Variants in HUS1 observed in about 807,000 individuals in gnomAD.
HUS1 encodes the protein HUS1 checkpoint clamp component, also known as checkpoint protein HUS1.
Under a neutral mutation model 32.6 loss-of-function variants are expected in HUS1, and 31 were observed. The observed-to-expected ratio is 0.95, with a 90% CI of 0.72 to 1.28. HUS1 has a LOEUF of 1.28. Ranked by LOEUF, HUS1 falls within the 50% of genes most tolerant of loss-of-function variation. HUS1 has a pLI of 0.00. For missense variants in HUS1, 340 were observed against 337.7 expected (o/e 1.01, Z -0.05); for synonymous variants, 123 against 116.6 (o/e 1.06, Z -0.36).
intron 6 of HUS1, chr7:47,968,996 C>G (rs1788538802): frequency 6.1e-6 from 3 of 493,078 alleles, no homozygotes; most frequent in Non-Finnish European, 1.1e-5. Flanking sequence ...AGACCCTGCA[C>G]AGATCTGTCA....
chr7:47,979,001 A>G, intron 1 of HUS1, 185 bp from the exon 2 acceptor site: 1 of 606,254 alleles, frequency 1.6e-6, no homozygotes, highest in East Asian at 2.8e-5. Context: ...AAACTAGGGG[A>G]GATGTACAGC....
Position 47,964,467 on chromosome 7 carries a change from T to C in HUS1, c.*889A>G, listed in dbSNP as rs944027108. The C allele has an allele frequency of 1.3e-5, 2 of 152,218 alleles. No individual in the cohort carries two copies. Among genetic ancestry groups the C allele is most frequent in the East Asian group, 3.9e-4 (2 of 5,194 alleles). 9.4% of individuals were successfully genotyped at this position (152,218 alleles called of 1,614,324 possible). The stretch of plus-strand genomic sequence containing the variant: ...ATTATAATAGGAAATATGATGGGTA[T>C]GTTTCAGGGAGAATGAGCACATCTA... On this transcript the variant is annotated 3_prime_UTR_variant, in exon 8 of 8. Coordinates refer to ENST00000258774, the MANE Select transcript of HUS1 (RefSeq NM_004507.4).
chr7:47,977,728 C>T (rs955776771), intron 3 of HUS1, among the ~76,000 whole-genome samples: 4 of 152,034 alleles, frequency 2.6e-5, no homozygotes, highest in Non-Finnish European at 5.9e-5. Context: ...CCCGACTCTA[C>T]TAAAAAAATA....
chr7:47,966,666 T>TC (rs1247708184), intron 7 of HUS1, among the ~76,000 whole-genome samples: 1 of 151,788 alleles, frequency 6.6e-6, no homozygotes, highest in Non-Finnish European at 1.5e-5. Context: ...GAATAAGGAG[T>TC]CCCTTTACAT....
chr7:47,966,174 G>C (rs1788474432), intron 7 of HUS1, among the ~76,000 whole-genome samples: 1 of 152,138 alleles, frequency 6.6e-6, no homozygotes, highest in Non-Finnish European at 1.5e-5. Flanking sequence ...CAAGGGCACA[G>C]GAGAGGCAGA....
intron 6 of HUS1, 26 bp from the exon 7 acceptor site, chr7:47,967,951 TACA>T (rs1321173992): frequency 6.2e-7 from 1 of 1,600,212 alleles, no homozygotes; most frequent in Non-Finnish European, 8.5e-7. Flanking sequence ...TGCATTTAAA[TACA>T]ACATCTTCCC....
Position 47,967,924 on chromosome 7 carries a change from G to A in HUS1, c.642C>T (p.Ala214=). ...HFKDLGNPPL[A]SESTHEDRNV... ...TTCTGTCCTCATGGGTGCTTTCAGAGGCTAAAATGATAGGAATGCATTTAA... is the reference window on the plus strand; with the variant it reads ...TTCTGTCCTCATGGGTGCTTTCAGAAGCTAAAATGATAGGAATGCATTTAA... The change falls in exon 7 of 8, where the codon GCC becomes GCT. Residue 214 remains alanine, a splice_region_variant and synonymous_variant. Coordinates refer to ENST00000258774, the MANE Select transcript of HUS1 (RefSeq NM_004507.4). 1 of 1,609,776 alleles carries A rather than the reference G, an allele frequency of 6.2e-7. No homozygotes were observed. The highest frequency in any genetic ancestry group is 8.5e-7 in the Non-Finnish European group (1 of 1,178,104).
chr7:47,968,509 T>C (rs1006794761), intron 6 of HUS1, among the ~76,000 whole-genome samples: 2 of 152,238 alleles, frequency 1.3e-5, no homozygotes, highest in East Asian at 1.9e-4. Context: ...AGACTCGTAG[T>C]AACTTAAATG....
intron 5 of HUS1, among the ~76,000 whole-genome samples, chr7:47,969,711 G>C (rs535188729): frequency 6.6e-6 from 1 of 152,020 alleles, no homozygotes; most frequent in African/African-American, 2.4e-5. Context: ...AAGGAACCAC[G>C]GGAAGTAAGA....
At chr7:47,967,768 GA>G in intron 7 of HUS1, 37 bp downstream of exon 7, 1 of 1,570,062 alleles carries the variant, frequency 6.4e-7, no homozygotes, top group African/African-American at 1.4e-5. Context: ...TTTAGAATAT[GA>G]AAGAATATGA....
intron 3 of HUS1, among the ~76,000 whole-genome samples, 164 bp from the exon 4 acceptor site, chr7:47,977,001 T>C (rs1788718820): frequency 6.6e-6 from 1 of 152,018 alleles, no homozygotes; most frequent in South Asian, 2.1e-4. Context: ...GGTGCCAATA[T>C]TTATGGAACA....
chr7:47,976,132 G>A (rs1039543997), intron 4 of HUS1: 1 of 345,090 alleles, frequency 2.9e-6, no homozygotes, highest in Admixed American at 3.8e-5. Context: ...ATCTGAGACT[G>A]TTACCAAGAG....
In HUS1 at chr7:47,963,581, T is replaced by C. The variant is rs1788414522; in HGVS notation, c.*1775A>G. The C allele has an allele frequency of 6.6e-6, 1 of 152,210 alleles. No individual in the cohort carries two copies. Among genetic ancestry groups the C allele is most frequent in the South Asian group, 2.1e-4 (1 of 4,828 alleles). 9.4% of individuals were successfully genotyped at this position (152,210 alleles called of 1,614,324 possible). ...AAAACGGTGTCTTCTAATTTTAAAA[T>C]GTTAATTTAACAAAATATTCCATCC... On this transcript the variant is annotated 3_prime_UTR_variant, in exon 8 of 8. Coordinates refer to ENST00000258774, the MANE Select transcript of HUS1 (RefSeq NM_004507.4).
intron 7 of HUS1, among the ~76,000 whole-genome samples, chr7:47,966,376 A>G (rs541389507): frequency 6.6e-6 from 1 of 152,360 alleles, no homozygotes; most frequent in South Asian, 2.1e-4. Context: ...TGGAGACACC[A>G]AAGTGAATGT....
At chr7:47,977,134 T>C (rs192148781) in intron 3 of HUS1, among the ~76,000 whole-genome samples, 4 of 152,278 alleles carry the variant, frequency 2.6e-5, no homozygotes, top group Admixed American at 1.3e-4. Context: ...ATGCTCATTA[T>C]AGCCGTGAGA....
In HUS1 at chr7:47,979,501, T is replaced by C. The variant is rs2307255; in HGVS notation, c.19A>G (p.Ile7Val). 1.1e-5 allele frequency: 18 copies of C among 1,612,814 alleles called. No homozygotes were observed. The highest frequency in any genetic ancestry group is 8.9e-5 in the East Asian group (4 of 44,876). The change falls in exon 1 of 8, where the codon ATC (isoleucine) becomes GTC (valine). Residue 7 changes from isoleucine to valine, a missense_variant. By Grantham distance (29) the Ile-to-Val change is conservative (BLOSUM62 3). Coordinates refer to ENST00000258774, the MANE Select transcript of HUS1 (RefSeq NM_004507.4). The part of the protein sequence containing the change: MKFRAK[I>V]VDGACLNHFT... Reference sequence around the variant, plus strand: ...TGGTTCAGACAGGCCCCGTCCACGATCTTGGCCCGAAACTTCATGGCCGCG... The same window carrying C: ...TGGTTCAGACAGGCCCCGTCCACGACCTTGGCCCGAAACTTCATGGCCGCG...
chr7:47,976,244 CA>C (rs1228619530), intron 4 of HUS1: 3 of 414,470 alleles, frequency 7.2e-6, no homozygotes, highest in Non-Finnish European at 1.5e-5. Context: ...TCTTCTTAAA[CA>C]AATTGTGAGC....
intron 3 of HUS1, among the ~76,000 whole-genome samples, 182 bp from the exon 4 acceptor site, chr7:47,977,019 G>C (rs1011098840): frequency 2.0e-5 from 3 of 147,678 alleles, no homozygotes; most frequent in Non-Finnish European, 4.5e-5. Context: ...ACAGACTCTG[G>C]GTACTTCCAG....
intron 5 of HUS1, among the ~76,000 whole-genome samples, chr7:47,973,040 G>T (rs1788630357): frequency 6.6e-6 from 1 of 152,138 alleles, no homozygotes; most frequent in Non-Finnish European, 1.5e-5. Context: ...GTTCTCATGA[G>T]ATCTGATGGT....
Sources: allele counts gnomAD v4.1 joint callset (sites outside exome capture counted in the v4.1 genomes callset), GRCh38; gene constraint gnomAD v4.1.1; transcripts MANE v1.5; gene names NCBI Gene and HGNC (gene_info 2026-07-23, HGNC 2026-07-21).